DGKB: variants seen among roughly 807,000 people sequenced by gnomAD.
The protein encoded by DGKB is diacylglycerol kinase beta.
DGKB carries 67 observed loss-of-function variants against 114.3 expected under a neutral mutation model. That is an observed-to-expected ratio of 0.59 (90% CI 0.48 to 0.72). The LOEUF (loss-of-function observed/expected upper bound fraction) is 0.72. Ranked by LOEUF, DGKB falls within the 30% of genes least tolerant of loss-of-function variation. DGKB has a pLI of 0.00. For missense variants in DGKB, 907 were observed against 975.2 expected (o/e 0.93, Z 0.93); for synonymous variants, 398 against 323.1 (o/e 1.23, Z -2.49).
At chr7:14,550,102 T>C (rs554080288) in intron 20 of DGKB, among the ~76,000 whole-genome samples, 71 of 152,262 alleles carry the variant, frequency 4.7e-4, no homozygotes, top group African/African-American at 1.6e-3. Context: ...AAAATTCTAG[T>C]TTGGGGTTTT....
intron 2 of DGKB, among the ~76,000 whole-genome samples, chr7:14,807,036 G>A (rs1842866374): frequency 6.6e-6 from 1 of 151,856 alleles, no homozygotes; most frequent in South Asian, 2.1e-4. Context: ...GAGAGACAAG[G>A]AAGTTCTTGG....
At chr7:14,847,045 C>A (rs1249302908) in intron 1 of DGKB, among the ~76,000 whole-genome samples, 1 of 152,090 alleles carries the variant, frequency 6.6e-6, no homozygotes, top group Non-Finnish European at 1.5e-5. Context: ...AATCCCAGGA[C>A]TTTGGGAGGC....
chr7:14,340,215 T>C (rs1811388198), intron 22 of DGKB, among the ~76,000 whole-genome samples: 2 of 148,246 alleles, frequency 1.3e-5, no homozygotes, highest in Admixed American at 1.4e-4. Context: ...CCTTTTCTGG[T>C]ACTAAATTAA....
chr7:14,886,771 T>C (rs1293669848), intron 1 of DGKB, among the ~76,000 whole-genome samples: 2 of 151,782 alleles, frequency 1.3e-5, no homozygotes, highest in Non-Finnish European at 2.9e-5. Flanking sequence ...AGTAATCCCA[T>C]CGAAACATAA....
intron 23 of DGKB, among the ~76,000 whole-genome samples, chr7:14,222,097 T>C (rs371768409): frequency 8.6e-5 from 13 of 151,224 alleles, no homozygotes; most frequent in African/African-American, 3.1e-4. Context: ...TTAAAAAAAC[T>C]TGTTTTTGGC....
intron 21 of DGKB, among the ~76,000 whole-genome samples, chr7:14,379,706 C>A (rs1819089128): frequency 6.6e-6 from 1 of 152,070 alleles, no homozygotes; most frequent in Non-Finnish European, 1.5e-5. Flanking sequence ...ATTACAGGCA[C>A]GTGCCACCAC....
chr7:14,641,160 T>G (rs1248234596), intron 13 of DGKB, among the ~76,000 whole-genome samples: 1 of 152,202 alleles, frequency 6.6e-6, no homozygotes, highest in East Asian at 1.9e-4. Flanking sequence ...ATTATCATTT[T>G]AAAAATATTT....
At chr7:14,958,480 G>A (rs1022251316) in intron 1 of DGKB, among the ~76,000 whole-genome samples, 46 of 80,204 alleles carry the variant, frequency 5.7e-4, no homozygotes, top group African/African-American at 1.9e-3. Flanking sequence ...CACACACCCC[G>A]TCCAGGAGAT....
intron 23 of DGKB, among the ~76,000 whole-genome samples, chr7:14,194,828 T>G (rs1784795516): frequency 6.6e-6 from 1 of 152,248 alleles, no homozygotes; most frequent in South Asian, 2.1e-4. Flanking sequence ...GCTAAAATTC[T>G]GAACTCCTTT....
In DGKB at chr7:14,228,884, C is replaced by CTGTGTGTGTGTGTGTGTG. The variant is rs71548072; in HGVS notation, c.2123-50751_2123-50734dup. ...CAACTACCTAGCATCAGTTTTTTTT[C>CTGTGTGTGTGTGTGTGTG]TGTGTGTGTGTGTGTGTGTGTGTTC... is the stretch of plus-strand genomic sequence containing the variant. On this transcript the variant is annotated intron_variant, in intron 23 of 25. Coordinates refer to ENST00000402815, the MANE Select transcript of DGKB (RefSeq NM_001350709.2). Among the ~76,000 whole-genome samples the CTGTGTGTGTGTGTGTGTG allele has an allele frequency of 0.013, 1,980 of 148,724 alleles. 91 individuals carry two copies. The East Asian group carries it at 0.17, about 13-fold the overall frequency.
chr7:14,351,988 T>G (rs1813524886), intron 21 of DGKB, among the ~76,000 whole-genome samples: 1 of 152,166 alleles, frequency 6.6e-6, no homozygotes, highest in Non-Finnish European at 1.5e-5. Context: ...ACATTTAATA[T>G]TCACACCGAA....
At chr7:14,680,260 A>G (rs547669410) in intron 12 of DGKB, among the ~76,000 whole-genome samples, 1 of 152,088 alleles carries the variant, frequency 6.6e-6, no homozygotes, top group East Asian at 1.9e-4. Context: ...GGGATTTAAG[A>G]CATTTGCTGT....
At chr7:14,386,010 G>A (rs533302015) in intron 21 of DGKB, among the ~76,000 whole-genome samples, 11 of 152,176 alleles carry the variant, frequency 7.2e-5, no homozygotes, top group East Asian at 3.9e-4. Context: ...TTAAACCATC[G>A]TAGAGCCTTT....
chr7:14,288,964 A>C (rs2128468552), intron 23 of DGKB, among the ~76,000 whole-genome samples: 1 of 152,340 alleles, frequency 6.6e-6, no homozygotes, highest in South Asian at 2.1e-4. Flanking sequence ...AGCCTTTAGC[A>C]CATACAGCAA....
chr7:14,857,034 A>G (rs1228539628), intron 1 of DGKB, among the ~76,000 whole-genome samples: 1 of 152,178 alleles, frequency 6.6e-6, no homozygotes. Flanking sequence ...CATTCCCTAC[A>G]TTAGATGACA....
intron 16 of DGKB, among the ~76,000 whole-genome samples, chr7:14,612,343 C>T (rs1032006652): frequency 1.3e-5 from 2 of 151,444 alleles, no homozygotes; most frequent in Admixed American, 6.6e-5. Context: ...CTAATTTTTT[C>T]GTATTTTAGT....
At chr7:14,369,585 G>T (rs979649449) in intron 21 of DGKB, among the ~76,000 whole-genome samples, 2 of 152,166 alleles carry the variant, frequency 1.3e-5, no homozygotes, top group African/African-American at 2.4e-5. Flanking sequence ...AGCATCTGTT[G>T]CTTCCTGACT....
At chr7:14,207,747 CT>C (rs567050619) in intron 23 of DGKB, among the ~76,000 whole-genome samples, 141 of 151,986 alleles carry the variant, frequency 9.3e-4, no homozygotes, top group Non-Finnish European at 1.8e-3. Context: ...AGGTGGCAAC[CT>C]TTTTTTACTC....
chr7:14,651,830 T>C (rs1814569563), intron 13 of DGKB, among the ~76,000 whole-genome samples: 1 of 135,034 alleles, frequency 7.4e-6, no homozygotes, highest in Non-Finnish European at 1.6e-5. Context: ...TGTACAAAAA[T>C]CACAAGCATT....
Sources: gnomAD v4.1 joint callset for allele counts (sites outside exome capture counted in the v4.1 genomes callset) on GRCh38, gnomAD v4.1.1 for gene constraint, MANE v1.5 for transcripts, NCBI Gene and HGNC (gene_info 2026-07-23, HGNC 2026-07-21) for gene names.